The following ZNF793 variants were observed in gnomAD, a reference collection of about 807,000 sequenced individuals.
ZNF793 encodes the protein zinc finger protein 793.
Under a neutral mutation model 12.4 loss-of-function variants are expected in ZNF793, and 5 were observed. The ratio of observed to expected loss-of-function variants is 0.40; its 90% confidence interval spans 0.21 to 0.84. ZNF793 has a LOEUF of 0.84. ZNF793 is among the 40% of genes least tolerant of loss of function. The probability of loss-of-function intolerance (pLI) is 0.35; values close to 1 mark genes in which losing one functional copy is unlikely to be tolerated. For missense variants in ZNF793, 456 were observed against 495.0 expected (o/e 0.92, Z 0.75); for synonymous variants, 162 against 172.4 (o/e 0.94, Z 0.47).
At chr19:37,529,445 C>T (rs181018008) in intron 5 of ZNF793, among the ~76,000 whole-genome samples, 457 of 152,170 alleles carry the variant, frequency 3.0e-3, no homozygotes, top group African/African-American at 0.01. Context: ...AAGTGCATCT[C>T]TTGTAGGCAG....
At position 37,533,401 on chromosome 19, in the gene ZNF793, G is replaced by C; in HGVS notation, c.236G>C (p.Trp79Ser). The stretch of plus-strand genomic sequence containing the variant: ...GCAGCATGCCCGGGCTGCCACTGTT[G>C]GGGTAAGTGTGATAAATCTAGCAAA... ...GEAACPGCHC[W>S]EDIWRVNIQR... Residue 79 changes from tryptophan (W) to serine (S), a missense_variant and splice_region_variant, in exon 7 of 8, where the codon TGG (tryptophan) becomes TCG (serine). Physicochemically the swap from Trp to Ser is radical, Grantham distance 177. Coordinates refer to ENST00000627814, the MANE Select transcript of ZNF793 (RefSeq NM_001013659.3). The C allele has an allele frequency of 3.1e-6, 5 of 1,613,804 alleles. No homozygotes were observed. Among genetic ancestry groups the C allele is most frequent in the Non-Finnish European group, 4.2e-6 (5 of 1,179,764 alleles).
Position 37,537,415 on chromosome 19 carries a change from A to G in ZNF793, c.757A>G (p.Lys253Glu). The change falls in exon 8 of 8, where the codon AAG (lysine) becomes GAG (glutamate). Residue 253 changes from lysine (K) to glutamate (E), a missense_variant. Physicochemically the swap from Lys to Glu is moderately conservative, Grantham distance 56. Coordinates refer to ENST00000627814, the MANE Select transcript of ZNF793 (RefSeq NM_001013659.3). ...GCATCAGAGAAGTCACACTGGGGAG[A>G]AGCCTTATGGCTGCACTGACTGTGG... ...IRHQRSHTGEKPYGCTDCGKA... is the reference protein window; with the variant it reads ...IRHQRSHTGEEPYGCTDCGKA... 1 of 1,613,224 alleles carries G rather than the reference A, an allele frequency of 6.2e-7. No individual in the cohort carries two copies. The highest frequency in any genetic ancestry group is 8.5e-7 in the Non-Finnish European group (1 of 1,179,470).
upstream of ZNF793, chr19:37,506,549 T>A (rs2042250689): frequency 6.6e-6 from 1 of 152,136 alleles, no homozygotes; most frequent in South Asian, 2.1e-4. Context: ...CCATTGCACG[T>A]AAGAAGCGGT....
At chr19:37,530,212 T>G (rs1347516160) in intron 5 of ZNF793, among the ~76,000 whole-genome samples, 1 of 152,158 alleles carries the variant, frequency 6.6e-6, no homozygotes, top group African/African-American at 2.4e-5. Context: ...CCTATCTCAG[T>G]AGATGGAATA....
chr19:37,533,288 C>T lies in ZNF793; in HGVS notation c.143-20C>T, dbSNP rs1461269744. 2 of 1,611,968 alleles carry T rather than the reference C, an allele frequency of 1.2e-6. No homozygotes were observed. The highest frequency in any genetic ancestry group is 1.7e-6 in the Non-Finnish European group (2 of 1,178,094). ...ACCAAGGAGCTCAGCCCAAGACCTGCATCAATTTCCCCGGAACAGGTTATG... is the reference window on the plus strand; with the variant it reads ...ACCAAGGAGCTCAGCCCAAGACCTGTATCAATTTCCCCGGAACAGGTTATG... On this transcript the variant is annotated intron_variant, in intron 6 of 7. Coordinates refer to ENST00000627814, the MANE Select transcript of ZNF793 (RefSeq NM_001013659.3).
At position 37,537,974 on chromosome 19, in the gene ZNF793, C is replaced by G; in HGVS notation, c.*95C>G. ...TCACCCAGGCTGGAGTGCAGTGGCG[C>G]GATCTCGGCTTACTGCAAGCTCTGC... On this transcript the variant is annotated 3_prime_UTR_variant, in exon 8 of 8. Coordinates refer to ENST00000627814, the MANE Select transcript of ZNF793 (RefSeq NM_001013659.3). 2 of 1,374,436 alleles carry G rather than the reference C, an allele frequency of 1.5e-6. No homozygotes were observed. The highest frequency in any genetic ancestry group is 1.5e-5 in the African/African-American group (1 of 67,104). The allele number at this position is 1,374,436 out of a possible 1,614,324, so 85.1% of individuals were successfully genotyped here.
intron 3 of ZNF793, among the ~76,000 whole-genome samples, chr19:37,521,284 T>A (rs1443407981): frequency 6.7e-6 from 1 of 148,310 alleles, no homozygotes. Context: ...ACTGTGCCTG[T>A]CCTGATTTTT....
chr19:37,524,749 C>T (rs2042400592), intron 5 of ZNF793, among the ~76,000 whole-genome samples: 1 of 152,298 alleles, frequency 6.6e-6, no homozygotes, highest in South Asian at 2.1e-4. Flanking sequence ...CAGGCTCCGC[C>T]CCTGGCCTGC....
chr19:37,533,190 G>C, intron 6 of ZNF793, 118 bp from the exon 7 acceptor site: 1 of 763,164 alleles, frequency 1.3e-6, no homozygotes, highest in Non-Finnish European at 2.2e-6. Context: ...TTCTGGACAA[G>C]GTGTGTGTTT....
upstream of ZNF793, chr19:37,506,647 G>C (rs557488313): frequency 1.3e-5 from 2 of 152,358 alleles, no homozygotes; most frequent in East Asian, 3.9e-4. Flanking sequence ...GGCCACAGGA[G>C]GTTTTGGCAT....
In ZNF793 at chr19:37,541,108, G is replaced by C. The variant is rs2042549132; in HGVS notation, c.*3229G>C. 1 of 151,950 alleles carries C rather than the reference G, an allele frequency of 6.6e-6. No individual in the cohort carries two copies. Among genetic ancestry groups the C allele is most frequent in the African/African-American group, 2.4e-5 (1 of 41,368 alleles). The allele number at this position is 151,950 out of a possible 1,614,324, so 9.4% of individuals were successfully genotyped here. A position where few individuals can be genotyped will look rare whatever the true frequency, so the allele number is the denominator to read the frequency against. On this transcript the variant is annotated 3_prime_UTR_variant, in exon 8 of 8. Transcript: ENST00000627814. ...AGTAGAAAATTCAGAAATAGACTTCGATATATATGAACTTTTTCATATGTG... is the reference window on the plus strand; with the variant it reads ...AGTAGAAAATTCAGAAATAGACTTCCATATATATGAACTTTTTCATATGTG...
chr19:37,538,963 A>G lies in ZNF793; in HGVS notation c.*1084A>G, dbSNP rs1041661512. The G allele has an allele frequency of 1.3e-5, 2 of 152,228 alleles. No individual in the cohort carries two copies. Among genetic ancestry groups the G allele is most frequent in the Non-Finnish European group, 2.9e-5 (2 of 68,044 alleles). 9.4% of individuals were successfully genotyped at this position (152,228 alleles called of 1,614,324 possible). A position where few individuals can be genotyped will look rare whatever the true frequency, so the allele number is the denominator to read the frequency against. On this transcript the variant is annotated 3_prime_UTR_variant, in exon 8 of 8. Coordinates refer to ENST00000627814, the MANE Select transcript of ZNF793 (RefSeq NM_001013659.3). ...GTCTTAACAATACAAAAAAATAACA[A>G]CAACATGGCCCACTATTGTTAAAAG...
At chr19:37,533,614 ATC>A (rs2042480321) in intron 7 of ZNF793, 4 of 511,202 alleles carry the variant, frequency 7.8e-6, no homozygotes, top group Admixed American at 3.5e-5. Context: ...TGCTTGGTCC[ATC>A]TCTCTTTCTC....
chr19:37,508,531 C>A (rs1343436957), intron 2 of ZNF793, 128 bp downstream of exon 2: 1 of 152,058 alleles, frequency 6.6e-6, no homozygotes. Flanking sequence ...CATGGTGAAA[C>A]CCTGCCTCTA....
At chr19:37,525,681 A>G (rs1211328768) in intron 5 of ZNF793, among the ~76,000 whole-genome samples, 2 of 151,816 alleles carry the variant, frequency 1.3e-5, no homozygotes, top group Non-Finnish European at 2.9e-5. Context: ...TCGGCCTCCC[A>G]AAGTGCTGGG....
Position 37,537,200 on chromosome 19 carries a change from G to C in ZNF793, c.542G>C (p.Arg181Pro). 6.2e-7 allele frequency: 1 copy of C among 1,613,716 alleles called. No homozygotes were observed. The highest frequency in any genetic ancestry group is 8.5e-7 in the Non-Finnish European group (1 of 1,179,750). The change falls in exon 8 of 8, where the codon CGA becomes CCA. Residue 181 changes from arginine to proline, a missense_variant. Arg to Pro is a moderately radical substitution (Grantham distance 103, BLOSUM62 -2). Coordinates refer to ENST00000627814, the MANE Select transcript of ZNF793 (RefSeq NM_001013659.3). ...KLLQRINHGRRPNGEKPRGCS... is the reference protein window; with the variant it reads ...KLLQRINHGRPPNGEKPRGCS... ...CTTCAGCGTATAAATCATGGTAGACGACCTAATGGAGAAAAGCCCCGGGGT... is the reference window on the plus strand; with the variant it reads ...CTTCAGCGTATAAATCATGGTAGACCACCTAATGGAGAAAAGCCCCGGGGT...
intron 2 of ZNF793, among the ~76,000 whole-genome samples, chr19:37,515,457 G>A (rs147166793): frequency 7.9e-5 from 12 of 151,912 alleles, no homozygotes; most frequent in African/African-American, 2.7e-4. Flanking sequence ...ACAGGTGCCC[G>A]CCACCCCACC....
rs1428459472 is a variant in ZNF793, at chr19:37,525,666, C to G, written c.15+2212C>G. Among the ~76,000 whole-genome samples, 3 of 151,858 alleles carry G rather than the reference C, an allele frequency of 2.0e-5. No homozygotes were observed. In the East Asian group the frequency reaches 5.8e-4, roughly 29 times the overall value. ...TCGATCTCCTGACCTCGTGATCCAC[C>G]TGCCTCGGCCTCCCAAAGTGCTGGG... On this transcript the variant is annotated intron_variant, in intron 5 of 7. Coordinates refer to ENST00000627814, the MANE Select transcript of ZNF793 (RefSeq NM_001013659.3).
chr19:37,510,207 A>G (rs1262713293), intron 2 of ZNF793, among the ~76,000 whole-genome samples: 1 of 152,010 alleles, frequency 6.6e-6, no homozygotes, highest in African/African-American at 2.4e-5. Context: ...CAAAAAATTT[A>G]AAAATAAGCT....
Sources: allele counts gnomAD v4.1 joint callset (sites outside exome capture counted in the v4.1 genomes callset), GRCh38; gene constraint gnomAD v4.1.1; transcripts MANE v1.5; gene names NCBI Gene and HGNC (gene_info 2026-07-23, HGNC 2026-07-21).